Variants in PTPRN2 observed in about 807,000 individuals in gnomAD.
The protein encoded by PTPRN2 is protein tyrosine phosphatase receptor type N2.
Under a neutral mutation model 118.8 loss-of-function variants are expected in PTPRN2, and 74 were observed. The observed-to-expected ratio is 0.62, with a 90% CI of 0.52 to 0.76. The LOEUF (loss-of-function observed/expected upper bound fraction) is 0.76, where lower values mean the gene tolerates loss of function less well. PTPRN2 is among the 30% of genes least tolerant of loss of function. PTPRN2 has a pLI of 0.00. For missense variants in PTPRN2, 1,481 were observed against 1,394.4 expected (o/e 1.06, Z -0.99); for synonymous variants, 641 against 608.0 (o/e 1.05, Z -0.80).
At chr7:158,552,553 G>A (rs73510576) in intron 1 of PTPRN2, among the ~76,000 whole-genome samples, 2,196 of 152,260 alleles carry the variant, frequency 0.014, 56 homozygotes, top group African/African-American at 0.045. Flanking sequence ...TGGTTCAAGC[G>A]ATTTTTCTGC....
intron 2 of PTPRN2, among the ~76,000 whole-genome samples, chr7:158,406,010 G>T (rs1283689579): frequency 1.4e-5 from 2 of 146,634 alleles, no homozygotes; most frequent in Non-Finnish European, 1.5e-5. Context: ...CGTGAGACAC[G>T]TGGCTGCACA....
intron 2 of PTPRN2, among the ~76,000 whole-genome samples, chr7:158,419,748 C>A (rs140686619): frequency 3.3e-5 from 5 of 152,150 alleles, no homozygotes; most frequent in Admixed American, 3.3e-4. Context: ...TAAGATCACA[C>A]GTGATGTCTG....
At chr7:158,110,752 G>A (rs925034239) in intron 10 of PTPRN2, 77 bp downstream of exon 10, 79 of 1,344,466 alleles carry the variant, frequency 5.9e-5, no homozygotes, top group Non-Finnish European at 5.8e-5. Context: ...CCATGGGCTC[G>A]CAGCTCCTTC....
intron 6 of PTPRN2, among the ~76,000 whole-genome samples, chr7:158,149,331 A>T (rs1820658348): frequency 6.6e-6 from 1 of 152,132 alleles, no homozygotes; most frequent in Non-Finnish European, 1.5e-5. Context: ...CCTATATTTA[A>T]CCCCTGGAAA....
rs148827116 is a variant in PTPRN2 at position 158,545,842 on chromosome 7, T to C, written c.112+41716A>G. ...GGCAAAACCCTGTCTCTACTCAAAA[T>C]ACAAAAATTAGCTGGGTGCGGTGGC... On this transcript the variant is annotated intron_variant, in intron 1 of 22. Coordinates refer to ENST00000389418, the MANE Select transcript of PTPRN2 (RefSeq NM_002847.5). Among the ~76,000 whole-genome samples the C allele has an allele frequency of 6.9e-3, 1,049 of 152,132 alleles. 14 individuals are homozygous for C. The highest frequency in any genetic ancestry group is 0.024 in the African/African-American group (1,004 of 41,502).
At chr7:158,313,839 A>G (rs1383242418) in intron 3 of PTPRN2, among the ~76,000 whole-genome samples, 1 of 152,232 alleles carries the variant, frequency 6.6e-6, no homozygotes, top group Non-Finnish European at 1.5e-5. Flanking sequence ...TATTGCTTTA[A>G]AATCATAGGT....
At chr7:157,906,715 C>A (rs1023780957) in intron 11 of PTPRN2, among the ~76,000 whole-genome samples, 7 of 152,162 alleles carry the variant, frequency 4.6e-5, no homozygotes, top group African/African-American at 1.7e-4. Flanking sequence ...TTTCACTCAC[C>A]CTCTGGGCGC....
intron 11 of PTPRN2, among the ~76,000 whole-genome samples, chr7:157,910,526 C>A (rs1702528810): frequency 6.6e-6 from 1 of 152,218 alleles, no homozygotes; most frequent in South Asian, 2.1e-4. Context: ...GGTCCAGGAT[C>A]ACGCACGTAC....
intron 2 of PTPRN2, among the ~76,000 whole-genome samples, chr7:158,483,458 G>GA (rs1820784408): frequency 6.6e-6 from 1 of 152,182 alleles, no homozygotes; most frequent in Admixed American, 6.5e-5. Context: ...AAGAATTAGG[G>GA]AGACACTCTG....
In PTPRN2 at chr7:158,441,050, G is replaced by GGTA. The variant is rs1442842771; in HGVS notation, c.163+48682_163+48684dup. 3.8e-4 allele frequency among the ~76,000 whole-genome samples: 19 copies of GGTA among 49,494 alleles called. No individual in the cohort carries two copies. In the East Asian group the frequency reaches 5.7e-3, roughly 15 times the overall value. 32.5% of individuals were successfully genotyped at this position (49,494 alleles called of 152,430 possible). On this transcript the variant is annotated intron_variant, in intron 2 of 22. Transcript: ENST00000389418. Reference sequence around the variant, plus strand: ...TGGTGACAGTGGTAGTAGTGATGGTGGTAGTGATGGGGGTGGTAGTGATGG... The same window carrying GGTA: ...TGGTGACAGTGGTAGTAGTGATGGTGGTAGTAGTGATGGGGGTGGTAGTGATGG...
At chr7:157,737,884 G>C (rs1412115694) in intron 12 of PTPRN2, among the ~76,000 whole-genome samples, 1 of 152,236 alleles carries the variant, frequency 6.6e-6, no homozygotes, top group Non-Finnish European at 1.5e-5. Flanking sequence ...GTCTGGGCGG[G>C]GGAGGAGGCT....
At chr7:157,834,613 A>C (rs1026485619) in intron 12 of PTPRN2, among the ~76,000 whole-genome samples, 1 of 152,260 alleles carries the variant, frequency 6.6e-6, no homozygotes, top group Non-Finnish European at 1.5e-5. Flanking sequence ...AGCTGCGCTC[A>C]CAGGGAAGTC....
intron 12 of PTPRN2, among the ~76,000 whole-genome samples, chr7:157,871,557 C>G (rs1195885766): frequency 1.3e-5 from 2 of 152,086 alleles, no homozygotes; most frequent in African/African-American, 4.8e-5. Context: ...CGACACCACC[C>G]CAGGGCCCCT....
intron 6 of PTPRN2, among the ~76,000 whole-genome samples, chr7:158,163,459 A>G (rs1822558617): frequency 6.7e-6 from 1 of 149,356 alleles, no homozygotes; most frequent in Non-Finnish European, 1.5e-5. Flanking sequence ...CGGGTTCTCA[A>G]TATTCTCTGC....
intron 12 of PTPRN2, among the ~76,000 whole-genome samples, chr7:157,839,961 C>A (rs927546473): frequency 3.7e-5 from 5 of 133,938 alleles, no homozygotes; most frequent in African/African-American, 1.5e-4. Flanking sequence ...TGTGTGGCCA[C>A]GTGTGACTGT....
At chr7:157,612,372 C>T (rs1585108109) in intron 15 of PTPRN2, among the ~76,000 whole-genome samples, 2 of 152,132 alleles carry the variant, frequency 1.3e-5, no homozygotes, top group African/African-American at 2.4e-5. Flanking sequence ...TGACGAATCT[C>T]GTCTGTGCGA....
chr7:157,989,539 C>T lies in PTPRN2; in HGVS notation c.1724-90802G>A, dbSNP rs576668308. On this transcript the variant is annotated intron_variant, in intron 11 of 22. Transcript: ENST00000389418. ...TGGGGGGCACCATCTGTGGCTGGGTCGGAGGGACGAGGGCTGCTGTAGCCC... is the reference window on the plus strand; with the variant it reads ...TGGGGGGCACCATCTGTGGCTGGGTTGGAGGGACGAGGGCTGCTGTAGCCC... Among the ~76,000 whole-genome samples the T allele has an allele frequency of 5.3e-5, 8 of 151,918 alleles. No individual in the cohort carries two copies. In the East Asian group the frequency reaches 7.8e-4, roughly 15 times the overall value.
chr7:158,444,044 A>G (rs1817562264), intron 2 of PTPRN2, among the ~76,000 whole-genome samples: 1 of 152,110 alleles, frequency 6.6e-6, no homozygotes, highest in South Asian at 2.1e-4. Context: ...CTGTTCAGTC[A>G]GGGTCCTGCC....
chr7:158,268,895 C>G (rs1334652929), intron 3 of PTPRN2, among the ~76,000 whole-genome samples: 2 of 143,936 alleles, frequency 1.4e-5, no homozygotes, highest in Non-Finnish European at 1.5e-5. Flanking sequence ...CGCACGCACA[C>G]AGAGTGGGGT....
Sources: allele counts gnomAD v4.1 joint callset (sites outside exome capture counted in the v4.1 genomes callset), GRCh38; gene constraint gnomAD v4.1.1; transcripts MANE v1.5; gene names NCBI Gene and HGNC (gene_info 2026-07-23, HGNC 2026-07-21).